The following PRR16 variants were observed in gnomAD, a reference collection of about 807,000 sequenced individuals.
PRR16 encodes protein Largen.
Under a neutral mutation model 18.2 loss-of-function variants are expected in PRR16, and 6 were observed. That is an observed-to-expected ratio of 0.33 (90% CI 0.18 to 0.65). The LOEUF is 0.65. PRR16 is among the 30% of genes least tolerant of loss of function. PRR16 has a pLI of 0.74. For missense variants in PRR16, 412 were observed against 376.6 expected, an observed-to-expected ratio of 1.09 and a Z score of -0.78; for synonymous variants, 151 against 147.8, an observed-to-expected ratio of 1.02 and a Z score of -0.16.
At chr5:120,471,039 G>T (rs974987564) in intron 1 of PRR16, among the ~76,000 whole-genome samples, 5 of 152,082 alleles carry the variant, frequency 3.3e-5, no homozygotes, top group African/African-American at 1.2e-4. Context: ...TATGGACACT[G>T]TTTCTTAAAT....
chr5:120,597,079 TAAC>T (rs566262276), intron 1 of PRR16, among the ~76,000 whole-genome samples: 82 of 151,820 alleles, frequency 5.4e-4, no homozygotes, highest in African/African-American at 1.9e-3. Context: ...TATTTCTTGA[TAAC>T]AAGTGTTCAT....
chr5:120,580,613 C>G (rs930650900), intron 1 of PRR16, among the ~76,000 whole-genome samples: 6 of 151,910 alleles, frequency 3.9e-5, no homozygotes, highest in African/African-American at 1.5e-4. Context: ...TGCCACCACA[C>G]CCGGCTAATT....
At chr5:120,710,062 T>C in the PRR16 span, among the ~76,000 whole-genome samples, 3 of 152,226 alleles carry the variant, frequency 2.0e-5, no homozygotes, top group Non-Finnish European at 2.9e-5. Flanking sequence ...CTATTTTTCA[T>C]GGTGGCTGTA....
chr5:120,788,861 T>G, the PRR16 span, among the ~76,000 whole-genome samples: 1 of 152,130 alleles, frequency 6.6e-6, no homozygotes. Context: ...TCCTTTTTGA[T>G]TGTTCATTTA....
chr5:120,711,965 C>T, the PRR16 span, among the ~76,000 whole-genome samples: 4 of 152,136 alleles, frequency 2.6e-5, no homozygotes, highest in Non-Finnish European at 5.9e-5. Flanking sequence ...AATTCTGTGT[C>T]TAAGTTATTA....
intron 1 of PRR16, among the ~76,000 whole-genome samples, chr5:120,506,138 A>G (rs2112850164): frequency 6.6e-6 from 1 of 152,134 alleles, no homozygotes; most frequent in African/African-American, 2.4e-5. Flanking sequence ...ACACAAATAC[A>G]TATTCTGTAC....
chr5:120,489,519 A>G (rs1384836926), intron 1 of PRR16, among the ~76,000 whole-genome samples: 8 of 151,954 alleles, frequency 5.3e-5, no homozygotes, highest in East Asian at 3.9e-4. Flanking sequence ...ACCTTCCTCC[A>G]TCCCTTTATT....
intron 1 of PRR16, among the ~76,000 whole-genome samples, chr5:120,677,134 G>T (rs1756824095): frequency 6.6e-6 from 1 of 152,166 alleles, no homozygotes; most frequent in Non-Finnish European, 1.5e-5. Flanking sequence ...ACACGAAGTT[G>T]TAGGCTGTAT....
At chr5:120,785,256 A>AGAT in the PRR16 span, among the ~76,000 whole-genome samples, 1 of 152,178 alleles carries the variant, frequency 6.6e-6, no homozygotes, top group Non-Finnish European at 1.5e-5. Flanking sequence ...CAAGTATGAA[A>AGAT]GATGGAGACC....
At chr5:120,594,112 C>T (rs1753727255) in intron 1 of PRR16, among the ~76,000 whole-genome samples, 1 of 152,130 alleles carries the variant, frequency 6.6e-6, no homozygotes, top group Non-Finnish European at 1.5e-5. Flanking sequence ...TGCCCTCTCT[C>T]ACCACACCTA....
At chr5:120,754,184 T>A in the PRR16 span, among the ~76,000 whole-genome samples, 1 of 102,450 alleles carries the variant, frequency 9.8e-6, no homozygotes, top group Non-Finnish European at 1.9e-5. Flanking sequence ...TATAAATATA[T>A]AATATATAAT....
At chr5:120,568,777 T>G (rs1425600668) in intron 1 of PRR16, among the ~76,000 whole-genome samples, 4 of 152,144 alleles carry the variant, frequency 2.6e-5, no homozygotes, top group Non-Finnish European at 5.9e-5. Context: ...GAGAACAGGA[T>G]TTAGACATTA....
chr5:120,790,190 C>T, the PRR16 span: 4 of 152,066 alleles, frequency 2.6e-5, no homozygotes, highest in Non-Finnish European at 4.4e-5. Context: ...TAAAAAAAGC[C>T]ACAGCCTTAA....
chr5:120,472,308 C>A (rs1305608499), intron 1 of PRR16, among the ~76,000 whole-genome samples: 1 of 152,084 alleles, frequency 6.6e-6, no homozygotes, highest in African/African-American at 2.4e-5. Flanking sequence ...TGTGCATTTT[C>A]CCCTTTCATA....
At position 120,657,981 on chromosome 5, in the gene PRR16, T is replaced by A. The variant is rs1289758000; in HGVS notation, c.160-27973T>A. On this transcript the variant is annotated intron_variant, in intron 1 of 1. Coordinates refer to ENST00000407149, the MANE Select transcript of PRR16 (RefSeq NM_001300783.2). ...TGCTATCCCAATACCAACCATTGTT[T>A]CTTTGAGTACCTTCCTGGGAATACT... 15 of 152,010 alleles carry A rather than the reference T, an allele frequency of 9.9e-5. No homozygotes were observed. In the Admixed American group the frequency reaches 9.9e-4, roughly 10 times the overall value. 9.4% of individuals were successfully genotyped at this position (152,010 alleles called of 1,614,324 possible).
the PRR16 span, among the ~76,000 whole-genome samples, chr5:120,704,736 T>G: frequency 6.6e-6 from 1 of 152,248 alleles, no homozygotes; most frequent in East Asian, 1.9e-4. Flanking sequence ...ACCAGGTGAT[T>G]CTAGTATATC....
chr5:120,534,162 G>T (rs1344399337), intron 1 of PRR16, among the ~76,000 whole-genome samples: 1 of 152,090 alleles, frequency 6.6e-6, no homozygotes, highest in Non-Finnish European at 1.5e-5. Flanking sequence ...AGATCTGAGA[G>T]ATATAAATTG....
chr5:120,689,373 A>G (rs574578231), downstream of PRR16, among the ~76,000 whole-genome samples: 5 of 152,198 alleles, frequency 3.3e-5, no homozygotes, highest in East Asian at 1.9e-4. Context: ...TTAAAGTATC[A>G]TAAGTGGCAG....
chr5:120,570,442 A>G (rs1752870661), intron 1 of PRR16, among the ~76,000 whole-genome samples: 1 of 152,190 alleles, frequency 6.6e-6, no homozygotes, highest in South Asian at 2.1e-4. Flanking sequence ...GGCCAGATGT[A>G]TAATGTAGGG....
Sources: gnomAD v4.1 joint callset for allele counts (sites outside exome capture counted in the v4.1 genomes callset) on GRCh38, gnomAD v4.1.1 for gene constraint, MANE v1.5 for transcripts, NCBI Gene and HGNC (gene_info 2026-07-23, HGNC 2026-07-21) for gene names.